The following SEZ6L2 variants were observed in gnomAD, a reference collection of about 807,000 sequenced individuals.
SEZ6L2 encodes seizure 6-like protein 2.
SEZ6L2 carries 44 observed loss-of-function variants against 97.0 expected under a neutral mutation model. That is an observed-to-expected ratio of 0.45 (90% CI 0.36 to 0.58). The LOEUF (loss-of-function observed/expected upper bound fraction) is 0.58. Among genes scored for constraint, SEZ6L2 ranks in the 20% least tolerant of loss-of-function variants. The pLI, the probability that SEZ6L2 is intolerant of heterozygous loss-of-function variation, is 0.00. For synonymous variants in SEZ6L2, 543 were observed against 546.1 expected (o/e 0.99, Z 0.08); for missense variants, 1,086 against 1,233.3 (o/e 0.88, Z 1.79).
chr16:29,871,534 A>T lies in SEZ6L2; in HGVS notation c.*165T>A. On this transcript the variant is annotated 3_prime_UTR_variant, in exon 18 of 18. Coordinates refer to ENST00000617533, the MANE Select transcript of SEZ6L2 (RefSeq NM_001243332.2). The stretch of plus-strand genomic sequence containing the variant: ...TGGGCGGCAGGATGCTGGTTTATTT[A>T]CTGTAGGATCTCCAGGGCCATCAAA... The T allele has an allele frequency of 2.8e-6, 2 of 718,426 alleles. No individual in the cohort carries two copies. The highest frequency in any genetic ancestry group is 2.2e-5 in the Admixed American group (1 of 46,320). The allele number at this position is 718,426 out of a possible 1,614,324, so 44.5% of individuals were successfully genotyped here.
chr16:29,877,363 A>G lies in SEZ6L2; in HGVS notation c.1817T>C (p.Leu606Pro), dbSNP rs1476067116. 1.9e-6 allele frequency: 3 copies of G among 1,612,256 alleles called. No individual in the cohort carries two copies. The highest frequency in any genetic ancestry group is 1.7e-5 in the Admixed American group (1 of 59,766). Residue 606 changes from leucine to proline, a missense_variant, in exon 11 of 18, where the codon CTC (leucine) becomes CCC (proline). Leu to Pro is a moderately conservative substitution (Grantham distance 98, BLOSUM62 -3). Around this residue, in one of 2 missense-constraint regions of SEZ6L2, gnomAD observed 310 missense variants for 438.6 expected, o/e 0.71. Transcript: ENST00000617533. ...LRGPQPRRRL[L>P]SSGPDLTLQF... The stretch of plus-strand genomic sequence containing the variant: ...CAGTGTGAGGTCGGGCCCAGAGGAG[A>G]GAAGGCGGCGGCGCGGCTGAGGTCC...
chr16:29,897,237 C>A, intron 2 of SEZ6L2, 116 bp from the exon 3 acceptor site: 1 of 909,834 alleles, frequency 1.1e-6, no homozygotes, highest in Non-Finnish European at 1.6e-6. Context: ...GCCTCCCGCA[C>A]AAGGTACAGC....
rs1302950293 is a variant in SEZ6L2 at position 29,876,862 on chromosome 16, C to G, written c.1998G>C (p.Thr666=). 6 of 1,613,182 alleles carry G rather than the reference C, an allele frequency of 3.7e-6. No homozygotes were observed. The African/African-American group carries it at 8.0e-5, about 22-fold the overall frequency. The change falls in exon 12 of 18, where the codon ACG becomes ACC. Residue 666 remains threonine (T), a synonymous_variant. Coordinates refer to ENST00000617533, the MANE Select transcript of SEZ6L2 (RefSeq NM_001243332.2). The surrounding 1 kb of genome is among the most constrained non-coding windows in gnomAD (Gnocchi z 6.5). The stretch of plus-strand genomic sequence containing the variant: ...CAGGCTCGCACTGGTAGGTGAGCAC[C>G]GTGCCCCGGATCAGGTCCCCGTGGG... ...TASHGDLIRG[T]VLTYQCEPGY...
intron 8 of SEZ6L2, among the ~76,000 whole-genome samples, chr16:29,881,620 CTTTTT>C (rs59318540): frequency 1.2e-5 from 1 of 85,118 alleles, no homozygotes. Context: ...ATGAGGAATT[CTTTTT>C]TTTTTTTTTT....
Position 29,876,526 on chromosome 16 carries a change from G to A in SEZ6L2, c.2104+230C>T, listed in dbSNP as rs549013906. Among the ~76,000 whole-genome samples, 1 of 151,682 alleles carries A rather than the reference G, an allele frequency of 6.6e-6. No homozygotes were observed. The highest frequency in any genetic ancestry group is 2.4e-5 in the African/African-American group (1 of 41,262). On this transcript the variant is annotated intron_variant, in intron 12 of 17. Coordinates refer to ENST00000617533, the MANE Select transcript of SEZ6L2 (RefSeq NM_001243332.2). This position sits in a 1 kb window ranked among gnomAD's most constrained non-coding sequence, Gnocchi z 6.5. ...CGAGCCCAGGTCGGTGCAAGAAAGA[G>A]GGATGCAGCCCGGAGAAGATGAGAG...
chr16:29,871,861 G>A (rs2067790279), intron 17 of SEZ6L2, 133 bp from the exon 18 acceptor site: 1 of 813,416 alleles, frequency 1.2e-6, no homozygotes, highest in African/African-American at 1.7e-5. Context: ...CAGTGAATGT[G>A]TTTGGTTCAT....
chr16:29,877,375 C>A lies in SEZ6L2; in HGVS notation c.1805G>T (p.Arg602Leu), dbSNP rs865882100. The A allele has an allele frequency of 6.2e-7, 1 of 1,613,396 alleles. No homozygotes were observed. Among genetic ancestry groups the A allele is most frequent in the Middle Eastern group, 1.7e-4 (1 of 6,058 alleles). The change falls in exon 11 of 18, where the codon CGC becomes CTC. Residue 602 changes from arginine (R) to leucine (L), a missense_variant. Around this residue, in one of 2 missense-constraint regions of SEZ6L2, gnomAD observed 310 missense variants for 438.6 expected, o/e 0.71. Transcript: ENST00000617533. ...VLAQLRGPQP[R>L]RRLLSSGPDL... ...GGGCCCAGAGGAGAGAAGGCGGCGG[C>A]GCGGCTGAGGTCCCCGCAGCTGGGC...
In SEZ6L2 at chr16:29,899,294, T is replaced by C. The variant is rs1254890652; in HGVS notation, c.-275A>G. ...GGGGCGCGGCTCCGGCTGCAGGGGG[T>C]GGGGCCGAGAGGGCCGAAGGGGCCG... On this transcript the variant is annotated 5_prime_UTR_variant, in exon 1 of 18. Transcript: ENST00000617533. The C allele has an allele frequency of 1.2e-5, 5 of 422,716 alleles. No homozygotes were observed. The East Asian group carries it at 2.7e-4, about 23-fold the overall frequency. 26.2% of individuals were successfully genotyped at this position (422,716 alleles called of 1,614,324 possible).
intron 5 of SEZ6L2, among the ~76,000 whole-genome samples, chr16:29,893,815 A>G (rs968972757): frequency 6.6e-6 from 1 of 152,156 alleles, no homozygotes; most frequent in African/African-American, 2.4e-5. Context: ...CTTTGAAAGT[A>G]ATAGCAGTGA....
intron 5 of SEZ6L2, 88 bp from the exon 6 acceptor site, chr16:29,888,813 C>T: frequency 3.3e-6 from 4 of 1,219,096 alleles, no homozygotes; most frequent in Non-Finnish European, 4.5e-6. Context: ...CCTCTCCTTT[C>T]AGGCCAACCT....
intron 11 of SEZ6L2, 65 bp downstream of exon 11, chr16:29,877,206 G>T: frequency 1.4e-6 from 2 of 1,454,664 alleles, no homozygotes; most frequent in Middle Eastern, 2.0e-4. Flanking sequence ...CACCACGACC[G>T]GCCACCTCCC....
rs748924663 is a variant in SEZ6L2 at position 29,895,807 on chromosome 16, G to A, written c.565C>T (p.Leu189=). ...EGEGYVESPD[L]GSPVSRTLGL... ...AGGGTGCGGCTGACGGGGCTCCCCA[G>A]ATCTGGAGACTCCACATACCCTTCG... The change falls in exon 4 of 18, where the codon CTG becomes TTG. Residue 189 remains leucine (L), a synonymous_variant. Transcript: ENST00000617533. 5 of 1,614,016 alleles carry A rather than the reference G, an allele frequency of 3.1e-6. No individual in the cohort carries two copies. The East Asian group carries it at 1.1e-4, about 36-fold the overall frequency.
chr16:29,878,261 G>C (rs2067951722), intron 10 of SEZ6L2, 26 bp downstream of exon 10: 17 of 1,567,870 alleles, frequency 1.1e-5, no homozygotes, highest in Non-Finnish European at 1.4e-5. Flanking sequence ...TACACCCGTC[G>C]CACCCTCTGC....
At chr16:29,878,521 C>T in intron 9 of SEZ6L2, 96 bp from the exon 10 acceptor site, 1 of 996,814 alleles carries the variant, frequency 1.0e-6, no homozygotes, top group Non-Finnish European at 1.3e-6. Context: ...CACCACATCA[C>T]CTCGCTTGTT....
intron 17 of SEZ6L2, 68 bp from the exon 18 acceptor site, chr16:29,871,796 GA>G: frequency 7.1e-7 from 1 of 1,405,548 alleles, no homozygotes; most frequent in Non-Finnish European, 9.9e-7. Flanking sequence ...CGAATGGGAG[GA>G]GGGGCAACGA....
intron 8 of SEZ6L2, among the ~76,000 whole-genome samples, chr16:29,884,867 C>T (rs966263947): frequency 6.9e-6 from 1 of 144,642 alleles, no homozygotes; most frequent in African/African-American, 2.6e-5. Context: ...GAGCCGAGAT[C>T]ATGACATTGC....
chr16:29,877,440 C>T lies in SEZ6L2; in HGVS notation c.1740G>A (p.Leu580=), dbSNP rs142582048. The T allele has an allele frequency of 1.4e-5, 23 of 1,604,842 alleles. No individual in the cohort carries two copies. The highest frequency in any genetic ancestry group is 1.3e-5 in the African/African-American group (1 of 74,630). Reference sequence around the variant, plus strand: ...TGGGACCGTCCCCGTCGAACAGCGTCAGCATGTCCCCTTCCCGCACATTCA... The same window carrying T: ...TGGGACCGTCCCCGTCGAACAGCGTTAGCATGTCCCCTTCCCGCACATTCA... ...EILNVREGDM[L]TLFDGDGPSA... is the part of the protein sequence containing the mutation. Residue 580 remains leucine (L), a synonymous_variant, in exon 11 of 18, where the codon CTG becomes CTA. Coordinates refer to ENST00000617533, the MANE Select transcript of SEZ6L2 (RefSeq NM_001243332.2).
At chr16:29,886,502 C>T (rs1596979021) in intron 7 of SEZ6L2, among the ~76,000 whole-genome samples, 1 of 150,850 alleles carries the variant, frequency 6.6e-6, no homozygotes, top group East Asian at 2.0e-4. Flanking sequence ...GGTGAAACCC[C>T]AACTCTACTA....
At chr16:29,892,667 C>T (rs920361139) in intron 5 of SEZ6L2, among the ~76,000 whole-genome samples, 3 of 152,232 alleles carry the variant, frequency 2.0e-5, no homozygotes, top group Admixed American at 2.0e-4. Context: ...AAGGCATCTG[C>T]GGTCAGCAGA....
Sources: allele counts gnomAD v4.1 joint callset (sites outside exome capture counted in the v4.1 genomes callset), GRCh38; gene constraint gnomAD v4.1.1; regional missense constraint gnomAD v4.1.1; non-coding constraint Gnocchi (gnomAD v3.1); transcripts MANE v1.5; gene names NCBI Gene and HGNC (gene_info 2026-07-23, HGNC 2026-07-21).